Variants in SPATA7 observed in about 807,000 individuals in gnomAD.
The protein encoded by SPATA7 is spermatogenesis associated 7.
Under a neutral mutation model 51.8 loss-of-function variants are expected in SPATA7, and 43 were observed. The observed-to-expected ratio is 0.83, with a 90% CI of 0.65 to 1.07. SPATA7 has a LOEUF of 1.07. SPATA7 is among the 50% of genes least tolerant of loss of function. The pLI, the probability that SPATA7 is intolerant of heterozygous loss-of-function variation, is 0.00. For synonymous variants in SPATA7, 230 were observed against 252.8 expected, an observed-to-expected ratio of 0.91 and a Z score of 0.86; for missense variants, 683 against 701.3, an observed-to-expected ratio of 0.97 and a Z score of 0.30.
Position 88,404,287 on chromosome 14 carries a change from G to A in SPATA7, c.238+8084G>A, listed in dbSNP as rs957319131. On this transcript the variant is annotated intron_variant, in intron 4 of 11. Coordinates refer to ENST00000393545, the MANE Select transcript of SPATA7 (RefSeq NM_018418.5). ...CTAAATTCAATGTGAGCTCAATTAAGATGCCAAAAATCAGTATTGTTCATA... is the reference window on the plus strand; with the variant it reads ...CTAAATTCAATGTGAGCTCAATTAAAATGCCAAAAATCAGTATTGTTCATA... 2.0e-5 allele frequency among the ~76,000 whole-genome samples: 3 copies of A among 152,232 alleles called. No homozygotes were observed. In the South Asian group the frequency reaches 6.2e-4, roughly 32 times the overall value.
At chr14:88,448,393 T>G (rs1248108047) in intron 3 of SPATA7, among the ~76,000 whole-genome samples, 1 of 152,178 alleles carries the variant, frequency 6.6e-6, no homozygotes, top group African/African-American at 2.4e-5. Context: ...CTTCTAAACT[T>G]TTTTCAAAGT....
chr14:88,412,338 A>G (rs2139945852), intron 4 of SPATA7, among the ~76,000 whole-genome samples: 1 of 152,056 alleles, frequency 6.6e-6, no homozygotes, highest in African/African-American at 2.4e-5. Flanking sequence ...TCACATGATC[A>G]CAAGGTCCCA....
rs368804173 is a variant in SPATA7, at chr14:88,438,146, G to C, written c.1524G>C (p.Gln508His). ...SKHSEGVIIQ[Q>H]VNDETNLETS... ...ATTCAGAAGGGGTTATAATTCAACA[G>C]GTGAATGATGAAACAAATCTTGAAA... Residue 508 changes from glutamine (Q) to histidine (H), a missense_variant, in exon 12 of 12, where the codon CAG becomes CAC. By Grantham distance (24) the Gln-to-His change is conservative. Transcript: ENST00000393545. The C allele has an allele frequency of 6.2e-7, 1 of 1,613,494 alleles. No individual in the cohort carries two copies. The highest frequency in any genetic ancestry group is 1.3e-5 in the African/African-American group (1 of 74,880).
At position 88,385,662 on chromosome 14, in the gene SPATA7, AC is replaced by A. The variant is rs1240790483; in HGVS notation, c.-154del. ...TGACGTCACAATAGCGACTCACTGG[AC>A]CCAGCCCTTAGCAACGGCCTGGCAA... On this transcript the variant is annotated 5_prime_UTR_variant, in exon 1 of 12. Transcript: ENST00000393545. The A allele has an allele frequency of 4.0e-6, 3 of 746,100 alleles. No individual in the cohort carries two copies. In the East Asian group the frequency reaches 8.0e-5, roughly 20 times the overall value. 46.2% of individuals were successfully genotyped at this position (746,100 alleles called of 1,614,324 possible). A position where few individuals can be genotyped will look rare whatever the true frequency, so the allele number is the denominator to read the frequency against.
chr14:88,446,998 G>A (rs1295346636), intron 3 of SPATA7, among the ~76,000 whole-genome samples: 4 of 152,208 alleles, frequency 2.6e-5, no homozygotes, highest in East Asian at 1.9e-4. Context: ...TGTCTATTAT[G>A]TCTGCTTGGT....
chr14:88,427,791 A>C (rs1471469058), intron 7 of SPATA7, 95 bp downstream of exon 7: 29 of 931,222 alleles, frequency 3.1e-5, no homozygotes, highest in Non-Finnish European at 4.3e-5. Flanking sequence ...TGTGAAGAAT[A>C]ATCTGTTGGT....
intron 4 of SPATA7, among the ~76,000 whole-genome samples, chr14:88,403,468 A>G (rs1424484163): frequency 6.6e-6 from 1 of 152,164 alleles, no homozygotes; most frequent in Non-Finnish European, 1.5e-5. Context: ...GTGTATAAAG[A>G]AATACTACAC....
chr14:88,409,596 C>T (rs1000488003), intron 4 of SPATA7, among the ~76,000 whole-genome samples: 1 of 152,060 alleles, frequency 6.6e-6, no homozygotes, highest in African/African-American at 2.4e-5. Context: ...TCCTTCATTT[C>T]TGCTCTGATC....
At chr14:88,465,787 T>C (rs533636478) in intron 4 of SPATA7, 1 of 152,330 alleles carries the variant, frequency 6.6e-6, no homozygotes, top group African/African-American at 2.4e-5. Context: ...GTAATGTGGA[T>C]AGATTTTTAT....
intron 9 of SPATA7, among the ~76,000 whole-genome samples, chr14:88,432,406 T>C (rs1467830746): frequency 6.6e-6 from 1 of 152,194 alleles, no homozygotes; most frequent in Non-Finnish European, 1.5e-5. Flanking sequence ...AGTTACTTGC[T>C]ACTTACATTT....
chr14:88,465,103 G>A (rs1258898800), intron 4 of SPATA7, among the ~76,000 whole-genome samples: 1 of 152,168 alleles, frequency 6.6e-6, no homozygotes, highest in Non-Finnish European at 1.5e-5. Context: ...AGCATTTTCT[G>A]AATGCTTCAC....
At chr14:88,455,272 C>T (rs777428722) in exon 4 of SPATA7, 4 of 351,076 alleles carry the variant, frequency 1.1e-5, no homozygotes, top group Non-Finnish European at 2.3e-5. Context: ...AAGATGCATT[C>T]TAACTCTTAA....
intron 4 of SPATA7, among the ~76,000 whole-genome samples, chr14:88,409,217 A>G (rs917294017): frequency 2.6e-5 from 4 of 152,114 alleles, no homozygotes; most frequent in African/African-American, 4.8e-5. Flanking sequence ...CTGTGAATCC[A>G]TCTGGTTTTG....
chr14:88,430,917 CA>C (rs1273728891), intron 8 of SPATA7, among the ~76,000 whole-genome samples: 1 of 152,130 alleles, frequency 6.6e-6, no homozygotes, highest in Admixed American at 6.6e-5. Context: ...ATCTGTAATT[CA>C]CCATACTCCA....
At chr14:88,427,816 A>G (rs1159323939) in intron 7 of SPATA7, 120 bp downstream of exon 7, 6 of 773,616 alleles carry the variant, frequency 7.8e-6, no homozygotes, top group African/African-American at 1.7e-5. Context: ...CTTATCATAC[A>G]TGATATAGCC....
chr14:88,416,318 A>G (rs2139959824), intron 4 of SPATA7: 1 of 168,826 alleles, frequency 5.9e-6, no homozygotes, highest in Admixed American at 6.1e-5. Flanking sequence ...ATGGTTAAGC[A>G]TTTGTAACCT....
At chr14:88,458,427 T>A (rs2077298346), downstream of SPATA7, among the ~76,000 whole-genome samples, 1 of 152,230 alleles carries the variant, frequency 6.6e-6, no homozygotes, top group African/African-American at 2.4e-5. Context: ...ATTCAGAGAT[T>A]CAACTTCTTC....
intron 1 of SPATA7, among the ~76,000 whole-genome samples, chr14:88,389,358 C>A (rs539021264): frequency 7.2e-5 from 11 of 151,928 alleles, no homozygotes; most frequent in African/African-American, 2.7e-4. Flanking sequence ...CACACACCAC[C>A]ACACCCAGCT....
At chr14:88,417,322 A>C (rs1024737785) in intron 5 of SPATA7, among the ~76,000 whole-genome samples, 1 of 138,984 alleles carries the variant, frequency 7.2e-6, no homozygotes, top group Admixed American at 7.5e-5. Flanking sequence ...TTTTTTATAT[A>C]TATATATATA....
Sources: allele counts gnomAD v4.1 joint callset (sites outside exome capture counted in the v4.1 genomes callset), GRCh38; gene constraint gnomAD v4.1.1; transcripts MANE v1.5; gene names NCBI Gene and HGNC (gene_info 2026-07-23, HGNC 2026-07-21).